OTC: variants seen among roughly 807,000 people sequenced by gnomAD.
OTC encodes ornithine transcarbamylase, mitochondrial.
Under a neutral mutation model 30.3 loss-of-function variants are expected in OTC, and 3 were observed. The ratio of observed to expected loss-of-function variants is 0.10; its 90% CI spans 0.05 to 0.26. The LOEUF (loss-of-function observed/expected upper bound fraction) is 0.26, where lower values mean the gene tolerates loss of function less well. OTC is among the 10% of genes least tolerant of loss of function. The pLI is 1.00. For missense variants in OTC, 194 were observed against 260.3 expected, an observed-to-expected ratio of 0.75 and a Z score of 1.75; for synonymous variants, 111 against 99.7, an observed-to-expected ratio of 1.11 and a Z score of -0.67.
At chrX:38,383,269 G>A (rs147615952) in intron 4 of OTC, among the ~76,000 whole-genome samples, 6 of 111,821 alleles carry the variant, frequency 5.4e-5, no homozygotes, top group African/African-American at 1.9e-4. Context: ...AAGATTGTCT[G>A]CCGTGGACCT....
chrX:38,396,749 G>A (rs2068459464), intron 4 of OTC, among the ~76,000 whole-genome samples: 1 of 111,327 alleles, frequency 9.0e-6, no homozygotes, highest in African/African-American at 3.3e-5. Flanking sequence ...CTCCAGCCTG[G>A]GCGACAGAGC....
chrX:38,409,967 G>A (rs1261599763), intron 8 of OTC, among the ~76,000 whole-genome samples: 1 of 110,856 alleles, frequency 9.0e-6, no homozygotes, highest in Non-Finnish European at 1.9e-5. Flanking sequence ...GACCTTTTCT[G>A]TGCATTTACA....
At chrX:38,354,595 T>G (rs919851060) in intron 1 of OTC, among the ~76,000 whole-genome samples, 10 of 111,044 alleles carry the variant, frequency 9.0e-5, no homozygotes, top group Non-Finnish European at 1.9e-4. Flanking sequence ...CAGACTACAT[T>G]TCTGAAAATC....
intron 4 of OTC, chrX:38,395,357 A>T (rs1406214955): frequency 2.7e-5 from 3 of 112,823 alleles, no homozygotes; most frequent in African/African-American, 9.7e-5. Context: ...GGAAATAGGT[A>T]AATGTCAGTT....
intron 1 of OTC, among the ~76,000 whole-genome samples, chrX:38,363,105 A>G (rs1004388640): frequency 2.7e-5 from 3 of 111,698 alleles, no homozygotes; most frequent in African/African-American, 6.5e-5. Flanking sequence ...GTGGGCTCCA[A>G]AATAACCAGG....
chrX:38,351,486 TA>T (rs2068215669), upstream of OTC, among the ~76,000 whole-genome samples: 1 of 111,790 alleles, frequency 8.9e-6, no homozygotes, highest in African/African-American at 3.3e-5. Context: ...TATTTGTTTA[TA>T]AATCATACCA....
rs2068483152 is a variant in OTC, at chrX:38,401,146, T to A, written c.387-129T>A. 5 of 541,410 alleles carry A rather than the reference T, an allele frequency of 9.2e-6. No individual in the cohort carries two copies. In the Admixed American group the frequency reaches 1.1e-4, roughly 12 times the overall value. 44.6% of individuals were successfully genotyped at this position (541,410 alleles called of 1,213,427 possible). On this transcript the variant is annotated intron_variant, in intron 4 of 9. Transcript: ENST00000039007. ...TTAATATTACCTTTTAAACCTGTAA[T>A]GTTGGTAGGTTTTCATGTAGTAAAA...
chrX:38,421,165 A>T lies in OTC; in HGVS notation c.*83A>T. On this transcript the variant is annotated 3_prime_UTR_variant, in exon 10 of 10. Transcript: ENST00000039007. ...TATGGGGAAAAGAGAAGAGAATCTAAAAAATAAACAAATCCCTAACACGTG... is the reference window on the plus strand; with the variant it reads ...TATGGGGAAAAGAGAAGAGAATCTATAAAATAAACAAATCCCTAACACGTG... The T allele has an allele frequency of 1.5e-6, 1 of 668,727 alleles. No homozygotes were observed. Among genetic ancestry groups the T allele is most frequent in the Non-Finnish European group, 2.5e-6 (1 of 407,899 alleles). The allele number at this position is 668,727 out of a possible 1,213,427, so 55.1% of individuals were successfully genotyped here. A position where few individuals can be genotyped will look rare whatever the true frequency, so the allele number is the denominator to read the frequency against.
chrX:38,391,715 A>G (rs1324947465), intron 4 of OTC, among the ~76,000 whole-genome samples: 4 of 111,312 alleles, frequency 3.6e-5, no homozygotes, highest in Non-Finnish European at 5.6e-5. Context: ...TCAGTCTTCG[A>G]TAACTCTCTT....
intron 1 of OTC, among the ~76,000 whole-genome samples, chrX:38,365,815 T>G (rs2068292904): frequency 9.0e-6 from 1 of 111,706 alleles, no homozygotes; most frequent in African/African-American, 3.3e-5. Context: ...GCAAAGAACA[T>G]GGAGAACTTC....
chrX:38,411,430 G>C (rs1035928996), intron 8 of OTC, among the ~76,000 whole-genome samples: 3 of 109,585 alleles, frequency 2.7e-5, no homozygotes, highest in African/African-American at 6.6e-5. Flanking sequence ...ACTTTGAGAG[G>C]CGAGGCGGGC....
rs772375605 is a variant in OTC, at chrX:38,403,129, AGCATCTTT to A, written c.541-487_541-480del. Reference sequence around the variant, plus strand: ...ACCTGGCCAACTAACAGTATTATTGAGCATCTTTGTCAACTTCGTATAATGGGAACATG... The same window carrying A: ...ACCTGGCCAACTAACAGTATTATTGAGTCAACTTCGTATAATGGGAACATG... On this transcript the variant is annotated intron_variant, in intron 5 of 9. Coordinates refer to ENST00000039007, the MANE Select transcript of OTC (RefSeq NM_000531.6). 6.2e-3 allele frequency among the ~76,000 whole-genome samples: 688 copies of A among 111,847 alleles called. 4 individuals are homozygous for A. The highest frequency in any genetic ancestry group is 0.019 in the African/African-American group (595 of 30,741).
intron 3 of OTC, among the ~76,000 whole-genome samples, chrX:38,374,726 C>T (rs139116676): frequency 0.023 from 2,539 of 111,311 alleles, 77 homozygotes; most frequent in African/African-American, 0.079. Context: ...AATAGACCTA[C>T]CAGGAGGTCC....
chrX:38,403,757 C>T lies in OTC; in HGVS notation c.663+17C>T, dbSNP rs777660144. The T allele has an allele frequency of 8.1e-5, 98 of 1,203,555 alleles. No homozygotes were observed. In the South Asian group the frequency reaches 1.6e-3, roughly 20 times the overall value. ...ACTCCAAAGGTAGGGAAACTTTTTG[C>T]CTTGAAACTAACCCCTCTCTTAAAT... On this transcript the variant is annotated intron_variant, in intron 6 of 9. Coordinates refer to ENST00000039007, the MANE Select transcript of OTC (RefSeq NM_000531.6).
At chrX:38,382,884 G>T (rs747446771) in intron 4 of OTC, among the ~76,000 whole-genome samples, 1 of 111,775 alleles carries the variant, frequency 8.9e-6, no homozygotes, top group Non-Finnish European at 1.9e-5. Flanking sequence ...GAGCAGTGCA[G>T]GTTGGCAGTC....
Position 38,403,747 on chromosome X carries a change from A to C in OTC, c.663+7A>C, listed in dbSNP as rs767994989. On this transcript the variant is annotated splice_region_variant and intron_variant, in intron 6 of 9. Transcript: ENST00000039007. ...TCAGGCAGCTACTCCAAAGGTAGGGAAACTTTTTGCCTTGAAACTAACCCC... is the reference window on the plus strand; with the variant it reads ...TCAGGCAGCTACTCCAAAGGTAGGGCAACTTTTTGCCTTGAAACTAACCCC... The C allele has an allele frequency of 4.1e-6, 5 of 1,208,571 alleles. No individual in the cohort carries two copies. The highest frequency in any genetic ancestry group is 5.6e-6 in the Non-Finnish European group (5 of 894,037).
At chrX:38,352,825 A>G in intron 1 of OTC, 52 bp downstream of exon 1, 1 of 910,448 alleles carries the variant, frequency 1.1e-6, no homozygotes, top group East Asian at 3.1e-5. Context: ...GGTGATGCAT[A>G]AAACTATATT....
the OTC span, among the ~76,000 whole-genome samples, chrX:38,342,328 A>G: frequency 7.2e-5 from 8 of 110,996 alleles, no homozygotes; most frequent in East Asian, 2.2e-3. Flanking sequence ...TTCACTTTTA[A>G]TACAGCTCTG....
At chrX:38,355,182 A>G (rs2068234488) in intron 1 of OTC, among the ~76,000 whole-genome samples, 1 of 111,950 alleles carries the variant, frequency 8.9e-6, no homozygotes, top group Non-Finnish European at 1.9e-5. Flanking sequence ...GGCTGAAGCC[A>G]TCCACACAGC....
Sources: allele counts gnomAD v4.1 joint callset (sites outside exome capture counted in the v4.1 genomes callset), GRCh38; gene constraint gnomAD v4.1.1; transcripts MANE v1.5; gene names NCBI Gene and HGNC (gene_info 2026-07-23, HGNC 2026-07-21).